PDE1C: variants seen among roughly 807,000 people sequenced by gnomAD.
PDE1C encodes the protein dual specificity calcium/calmodulin-dependent 3',5'-cyclic nucleotide phosphodiesterase 1C.
PDE1C carries 62 observed loss-of-function variants against 93.1 expected under a neutral mutation model. That is an observed-to-expected ratio of 0.67 (90% CI 0.54 to 0.82). PDE1C has a LOEUF of 0.82. Ranked by LOEUF, PDE1C falls within the 40% of genes least tolerant of loss-of-function variation. The pLI is 0.00. For missense variants in PDE1C, 742 were observed against 884.6 expected (o/e 0.84, Z 2.04); for synonymous variants, 325 against 310.1 (o/e 1.05, Z -0.50).
At chr7:31,885,348 C>T (rs1238502322) in intron 2 of PDE1C, among the ~76,000 whole-genome samples, 1 of 152,206 alleles carries the variant, frequency 6.6e-6, no homozygotes, top group Non-Finnish European at 1.5e-5. Context: ...AAGTGCAACA[C>T]CATTTTAGGA....
intron 3 of PDE1C, among the ~76,000 whole-genome samples, chr7:32,111,932 T>G (rs1458832084): frequency 6.6e-6 from 1 of 152,212 alleles, no homozygotes; most frequent in Non-Finnish European, 1.5e-5. Context: ...GTTCTCCCAG[T>G]CTCATTTTGG....
At chr7:32,338,150 C>G (rs2128079068) in intron 1 of PDE1C, among the ~76,000 whole-genome samples, 1 of 152,184 alleles carries the variant, frequency 6.6e-6, no homozygotes, top group East Asian at 1.9e-4. Flanking sequence ...TCTTGTGCAT[C>G]AAAGGACACA....
At chr7:31,697,647 G>T in the PDE1C span, among the ~76,000 whole-genome samples, 4 of 152,206 alleles carry the variant, frequency 2.6e-5, no homozygotes, top group African/African-American at 4.8e-5. Context: ...TCTCTGAGAA[G>T]TACAAGTTGG....
intron 1 of PDE1C, among the ~76,000 whole-genome samples, chr7:32,365,226 G>A (rs972515713): frequency 1.3e-5 from 2 of 152,090 alleles, no homozygotes; most frequent in Admixed American, 6.5e-5. Context: ...CCAGGCCCAA[G>A]AATCAGTATC....
At chr7:31,643,574 T>C in the PDE1C span, 1 of 1,614,038 alleles carries the variant, frequency 6.2e-7, no homozygotes, top group Non-Finnish European at 8.5e-7. Context: ...GGAACATCTT[T>C]AGAATGCACT....
chr7:31,861,780 C>T (rs921444729), intron 7 of PDE1C, among the ~76,000 whole-genome samples: 1 of 152,110 alleles, frequency 6.6e-6, no homozygotes, highest in East Asian at 1.9e-4. Flanking sequence ...TAGCAGGCTG[C>T]CTTAAAATCC....
chr7:31,997,273 A>T (rs1784834335), intron 2 of PDE1C, among the ~76,000 whole-genome samples: 1 of 152,152 alleles, frequency 6.6e-6, no homozygotes, highest in South Asian at 2.1e-4. Context: ...GATGGTACAC[A>T]CCTCTCAAGG....
At chr7:31,964,328 G>C (rs984526688) in intron 2 of PDE1C, among the ~76,000 whole-genome samples, 2 of 152,224 alleles carry the variant, frequency 1.3e-5, no homozygotes, top group Non-Finnish European at 2.9e-5. Flanking sequence ...CTGGCTTGGA[G>C]GGTCCTATGC....
intron 1 of PDE1C, among the ~76,000 whole-genome samples, chr7:32,241,040 G>A (rs1808508641): frequency 6.6e-6 from 1 of 152,142 alleles, no homozygotes; most frequent in South Asian, 2.1e-4. Context: ...GCCATTATCT[G>A]AGTAGAAAAG....
intron 1 of PDE1C, among the ~76,000 whole-genome samples, chr7:32,294,347 C>T (rs1180831684): frequency 1.3e-5 from 2 of 152,214 alleles, no homozygotes; most frequent in African/African-American, 4.8e-5. Flanking sequence ...TTCCACAACA[C>T]CAATAGGTTC....
chr7:31,916,446 A>T (rs886880913), intron 2 of PDE1C, among the ~76,000 whole-genome samples: 4 of 152,210 alleles, frequency 2.6e-5, no homozygotes, highest in Admixed American at 6.5e-5. Flanking sequence ...AAGAACAGAA[A>T]ATCACTAAAA....
intron 11 of PDE1C, among the ~76,000 whole-genome samples, chr7:31,836,713 C>A (rs183297722): frequency 7.8e-4 from 119 of 152,270 alleles, no homozygotes; most frequent in Admixed American, 4.4e-3. Context: ...ATGGCAGTTT[C>A]TAGTGATTTC....
chr7:32,383,851 A>G (rs545723724), intron 1 of PDE1C, among the ~76,000 whole-genome samples: 3 of 152,322 alleles, frequency 2.0e-5, no homozygotes, highest in African/African-American at 7.2e-5. Flanking sequence ...AACTCTTACA[A>G]TCAGTGAAAG....
At chr7:31,741,154 G>C in the PDE1C span, among the ~76,000 whole-genome samples, 5 of 150,760 alleles carry the variant, frequency 3.3e-5, no homozygotes, top group East Asian at 1.9e-4. Flanking sequence ...TGATCTTTTA[G>C]TCTCAGCTTT....
chr7:32,228,637 T>C (rs1807466318), intron 1 of PDE1C, among the ~76,000 whole-genome samples: 1 of 152,028 alleles, frequency 6.6e-6, no homozygotes, highest in Non-Finnish European at 1.5e-5. Context: ...AAACTTCCAA[T>C]CCCCAGTCAC....
chr7:31,723,870 C>T, the PDE1C span, among the ~76,000 whole-genome samples: 2 of 152,178 alleles, frequency 1.3e-5, no homozygotes, highest in Admixed American at 6.5e-5. Flanking sequence ...AATACATACA[C>T]GCAAATCCAC....
At chr7:32,261,355 C>T (rs78065961) in intron 1 of PDE1C, among the ~76,000 whole-genome samples, 17,772 of 152,048 alleles carry the variant, frequency 0.12, 1,188 homozygotes, top group African/African-American at 0.16. Flanking sequence ...CTCACTTCAA[C>T]CCCCTATGAT....
chr7:32,174,064 A>G (rs1802825886), intron 2 of PDE1C, among the ~76,000 whole-genome samples: 1 of 152,150 alleles, frequency 6.6e-6, no homozygotes, highest in South Asian at 2.1e-4. Context: ...GGCCCTACAC[A>G]TATATCTTAA....
At chr7:31,721,786 T>G in the PDE1C span, among the ~76,000 whole-genome samples, 1 of 152,206 alleles carries the variant, frequency 6.6e-6, no homozygotes, top group East Asian at 1.9e-4. Flanking sequence ...CCAGGCTAAA[T>G]GTCCAGCCAC....
Sources: gnomAD v4.1 joint callset for allele counts (sites outside exome capture counted in the v4.1 genomes callset) on GRCh38, gnomAD v4.1.1 for gene constraint, MANE v1.5 for transcripts, NCBI Gene and HGNC (gene_info 2026-07-23, HGNC 2026-07-21) for gene names.